ADAM22: variants seen among roughly 807,000 people sequenced by gnomAD.
The protein encoded by ADAM22 is ADAM metallopeptidase domain 22.
In ADAM22, 65 loss-of-function variants were observed where a neutral mutation model predicts 144.6. The observed-to-expected ratio is 0.45, with a 90% CI of 0.37 to 0.55. The LOEUF (loss-of-function observed/expected upper bound fraction) is 0.55, where lower values mean the gene tolerates loss of function less well. Among genes scored for constraint, ADAM22 ranks in the 20% least tolerant of loss-of-function variants. The pLI, the probability that ADAM22 is intolerant of heterozygous loss-of-function variation, is 0.00. For synonymous variants in ADAM22, 391 were observed against 412.6 expected (o/e 0.95, Z 0.63); for missense variants, 974 against 1,184.9 (o/e 0.82, Z 2.61).
intron 14 of ADAM22, among the ~76,000 whole-genome samples, chr7:88,136,525 C>T (rs146358584): frequency 3.0e-4 from 45 of 152,106 alleles, no homozygotes; most frequent in Non-Finnish European, 4.7e-4. Context: ...TCTGCTCTCC[C>T]GAGAAAGGTT....
At chr7:87,991,474 C>T (rs1317410495) in intron 3 of ADAM22, among the ~76,000 whole-genome samples, 2 of 150,574 alleles carry the variant, frequency 1.3e-5, no homozygotes. Flanking sequence ...TCACGCCATT[C>T]TCCTGCCTCA....
chr7:87,952,428 A>T (rs1845476022), intron 2 of ADAM22, among the ~76,000 whole-genome samples: 1 of 152,294 alleles, frequency 6.6e-6, no homozygotes, highest in Non-Finnish European at 1.5e-5. Flanking sequence ...GGTTCTGTTT[A>T]TATGCTGGAT....
intron 6 of ADAM22, among the ~76,000 whole-genome samples, chr7:88,115,478 T>G (rs988072641): frequency 3.3e-5 from 5 of 152,154 alleles, no homozygotes; most frequent in Non-Finnish European, 7.4e-5. Context: ...GGCTCTTTGC[T>G]TGAGTTGCAG....
chr7:88,049,194 G>A lies in ADAM22; in HGVS notation c.324-26432G>A, dbSNP rs552593484. The stretch of plus-strand genomic sequence containing the variant: ...ATGACTGCTAACTAGCAGATTTCAA[G>A]CTCTTGGGAAATCCCTAACATCTCT... On this transcript the variant is annotated intron_variant, in intron 3 of 31. Coordinates refer to ENST00000413139, the MANE Select transcript of ADAM22 (RefSeq NM_001324418.2). Among the ~76,000 whole-genome samples, 6 of 152,286 alleles carry A rather than the reference G, an allele frequency of 3.9e-5. No individual in the cohort carries two copies. In the South Asian group the frequency reaches 1.0e-3, roughly 26 times the overall value.
chr7:88,009,396 A>C (rs1407523523), intron 3 of ADAM22, among the ~76,000 whole-genome samples: 1 of 151,998 alleles, frequency 6.6e-6, no homozygotes, highest in African/African-American at 2.4e-5. Context: ...ATTTTTTGTC[A>C]CTTTTGTTTC....
intron 3 of ADAM22, among the ~76,000 whole-genome samples, chr7:88,005,741 C>A (rs898664803): frequency 6.6e-6 from 1 of 152,024 alleles, no homozygotes; most frequent in African/African-American, 2.4e-5. Context: ...AGGGTTGAAT[C>A]CAGGTTCATT....
chr7:88,193,269 A>G (rs1381510117), intron 31 of ADAM22, 30 bp downstream of exon 31: 1 of 1,608,070 alleles, frequency 6.2e-7, no homozygotes, highest in East Asian at 2.2e-5. Context: ...ATGTGCGTAC[A>G]TGCTCAGTCA....
At chr7:87,942,117 T>C (rs1842596866) in intron 2 of ADAM22, among the ~76,000 whole-genome samples, 1 of 151,926 alleles carries the variant, frequency 6.6e-6, no homozygotes, top group Non-Finnish European at 1.5e-5. Flanking sequence ...TAGATGTTCA[T>C]AAAAGTGGGG....
intron 6 of ADAM22, among the ~76,000 whole-genome samples, chr7:88,115,297 G>T (rs1228972431): frequency 2.6e-5 from 4 of 152,098 alleles, no homozygotes; most frequent in Non-Finnish European, 4.4e-5. Context: ...TCCCTTTGAG[G>T]TGTTCTGAAA....
At chr7:88,107,508 G>T (rs2129487616) in intron 4 of ADAM22, among the ~76,000 whole-genome samples, 1 of 152,016 alleles carries the variant, frequency 6.6e-6, no homozygotes, top group East Asian at 1.9e-4. Flanking sequence ...GCCCATGGTT[G>T]AATTTCTTAT....
chr7:87,973,789 G>A (rs1851138192), intron 2 of ADAM22, among the ~76,000 whole-genome samples: 1 of 152,100 alleles, frequency 6.6e-6, no homozygotes, highest in Non-Finnish European at 1.5e-5. Flanking sequence ...TCCTTTGTAG[G>A]GACATGGATG....
At chr7:88,112,127 T>C (rs1387939939) in intron 5 of ADAM22, among the ~76,000 whole-genome samples, 2 of 152,218 alleles carry the variant, frequency 1.3e-5, no homozygotes, top group Non-Finnish European at 2.9e-5. Flanking sequence ...TGGTCTACGT[T>C]TTTGAAAGGC....
At chr7:88,054,051 G>GA (rs1807445395) in intron 3 of ADAM22, among the ~76,000 whole-genome samples, 1 of 152,142 alleles carries the variant, frequency 6.6e-6, no homozygotes, top group Admixed American at 6.5e-5. Context: ...AGAATCACTT[G>GA]AACCAGGGAG....
intron 4 of ADAM22, among the ~76,000 whole-genome samples, chr7:88,095,936 C>G (rs933037011): frequency 7.5e-6 from 1 of 132,870 alleles, no homozygotes; most frequent in Non-Finnish European, 1.6e-5. Context: ...CCCCCACCCC[C>G]CCTTTTTTTA....
chr7:88,056,757 C>G (rs1396895850), intron 3 of ADAM22, among the ~76,000 whole-genome samples: 1 of 152,134 alleles, frequency 6.6e-6, no homozygotes, highest in Non-Finnish European at 1.5e-5. Context: ...AAAAGGTTGT[C>G]CTAGAAACAG....
intron 3 of ADAM22, among the ~76,000 whole-genome samples, chr7:88,007,442 T>C (rs1476428592): frequency 3.3e-5 from 5 of 152,068 alleles, no homozygotes; most frequent in Admixed American, 3.3e-4. Flanking sequence ...CATTGCCAAG[T>C]CAATCCTAAG....
At chr7:88,007,055 C>G (rs1027319260) in intron 3 of ADAM22, among the ~76,000 whole-genome samples, 10 of 152,178 alleles carry the variant, frequency 6.6e-5, no homozygotes, top group Non-Finnish European at 1.3e-4. Context: ...TCAGCAAAGT[C>G]TCAGTATACA....
chr7:88,115,100 C>G (rs1827407826), intron 6 of ADAM22, among the ~76,000 whole-genome samples: 1 of 152,044 alleles, frequency 6.6e-6, no homozygotes, highest in Non-Finnish European at 1.5e-5. Flanking sequence ...CAAAAATTAG[C>G]CAGGTGTGGT....
chr7:87,945,465 A>T (rs1433556588), intron 2 of ADAM22, among the ~76,000 whole-genome samples: 1 of 151,962 alleles, frequency 6.6e-6, no homozygotes, highest in South Asian at 2.1e-4. Context: ...TATATTTACA[A>T]ATTTGCCAGT....
Sources: allele counts gnomAD v4.1 joint callset (sites outside exome capture counted in the v4.1 genomes callset), GRCh38; gene constraint gnomAD v4.1.1; transcripts MANE v1.5; gene names NCBI Gene and HGNC (gene_info 2026-07-23, HGNC 2026-07-21).